Variants in ANKRD6 observed in about 807,000 individuals in gnomAD.
ANKRD6 encodes the protein ankyrin repeat domain-containing protein 6.
Under a neutral mutation model 82.3 loss-of-function variants are expected in ANKRD6, and 56 were observed. That is an observed-to-expected ratio of 0.68 (90% CI 0.55 to 0.85). ANKRD6 has a LOEUF of 0.85. Among genes scored for constraint, ANKRD6 ranks in the 40% least tolerant of loss-of-function variants. The pLI, the probability that ANKRD6 is intolerant of heterozygous loss-of-function variation, is 0.00. For missense variants in ANKRD6, 852 were observed against 907.6 expected (o/e 0.94, Z 0.79); for synonymous variants, 347 against 352.1 (o/e 0.99, Z 0.16).
rs1258327248 is a variant in ANKRD6 at position 89,471,575 on chromosome 6, C to T, written c.-144+38200C>T. Among the ~76,000 whole-genome samples, 5 of 149,542 alleles carry T rather than the reference C, an allele frequency of 3.3e-5. No homozygotes were observed. In the South Asian group the frequency reaches 6.4e-4, roughly 19 times the overall value. The stretch of plus-strand genomic sequence containing the variant: ...GCAAAAGAATGTGGGAAAGAGTGGC[C>T]GGAAAGTTAGGAAGGAAATAGGTAT... On this transcript the variant is annotated intron_variant, in intron 1 of 15. Transcript: ENST00000339746.
chr6:89,571,444 C>T (rs370943736), intron 2 of ANKRD6, among the ~76,000 whole-genome samples: 15 of 152,220 alleles, frequency 9.9e-5, no homozygotes, highest in African/African-American at 3.6e-4. Context: ...ATTTGTGTAT[C>T]ATCTTTGGAG....
intron 1 of ANKRD6, among the ~76,000 whole-genome samples, chr6:89,462,562 T>A (rs922404549): frequency 1.1e-4 from 16 of 152,200 alleles, no homozygotes; most frequent in African/African-American, 3.9e-4. Context: ...TCACAGTGAC[T>A]GATTACACTA....
chr6:89,623,995 C>T lies in ANKRD6; in HGVS notation c.1156C>T (p.His386Tyr). 1 of 1,612,258 alleles carries T rather than the reference C, an allele frequency of 6.2e-7. No homozygotes were observed. The highest frequency in any genetic ancestry group is 2.2e-5 in the East Asian group (1 of 44,758). ...TCGGTGTTCATCCCCACCCCCACCCCATGAGTTCAGGGCGTATCAGCTCTA... is the reference window on the plus strand; with the variant it reads ...TCGGTGTTCATCCCCACCCCCACCCTATGAGTTCAGGGCGTATCAGCTCTA... The part of the protein sequence containing the change: ...RHRCSSPPPP[H>Y]EFRAYQLYTL... Residue 386 changes from histidine to tyrosine, a missense_variant, in exon 12 of 16, where the codon CAT (histidine) becomes TAT (tyrosine). Coordinates refer to ENST00000339746, the MANE Select transcript of ANKRD6 (RefSeq NM_001242809.2).
intron 1 of ANKRD6, among the ~76,000 whole-genome samples, chr6:89,440,464 G>A (rs578197858): frequency 2.6e-5 from 4 of 152,326 alleles, no homozygotes; most frequent in East Asian, 3.9e-4. Context: ...TCCTGGTGGA[G>A]AGAGGAGAAG....
At chr6:89,592,065 G>C (rs1795021756) in intron 2 of ANKRD6, among the ~76,000 whole-genome samples, 2 of 152,184 alleles carry the variant, frequency 1.3e-5, no homozygotes. Context: ...CTTCCAAGAA[G>C]AGACACAGAG....
intron 12 of ANKRD6, 81 bp from the exon 13 acceptor site, chr6:89,624,458 G>T (rs1804884044): frequency 4.0e-6 from 6 of 1,484,596 alleles, no homozygotes; most frequent in Non-Finnish European, 5.5e-6. Context: ...CTGGTATACT[G>T]CCTGGCACGT....
At chr6:89,580,405 A>G (rs1417748478) in intron 2 of ANKRD6, among the ~76,000 whole-genome samples, 2 of 152,130 alleles carry the variant, frequency 1.3e-5, no homozygotes, top group Admixed American at 6.5e-5. Context: ...AAAGAGTTCA[A>G]TTGTAGTAAA....
intron 1 of ANKRD6, among the ~76,000 whole-genome samples, chr6:89,486,657 A>T (rs1777416434): frequency 6.6e-6 from 1 of 152,070 alleles, no homozygotes; most frequent in South Asian, 2.1e-4. Context: ...ATTTTTTTGT[A>T]GAGATGGAGT....
chr6:89,592,667 A>T lies in ANKRD6; in HGVS notation c.121-3249A>T, dbSNP rs556091420. Among the ~76,000 whole-genome samples the T allele has an allele frequency of 1.2e-4, 18 of 152,320 alleles. No homozygotes were observed. In the South Asian group the frequency reaches 2.9e-3, roughly 25 times the overall value. On this transcript the variant is annotated intron_variant, in intron 2 of 15. Coordinates refer to ENST00000339746, the MANE Select transcript of ANKRD6 (RefSeq NM_001242809.2). ...CCTCTCTAACAAGGTAACATAGAGT[A>T]AGTAGTTTAAACAACAGACATTTGC...
intron 2 of ANKRD6, among the ~76,000 whole-genome samples, chr6:89,574,518 C>T (rs1790676420): frequency 6.6e-6 from 1 of 152,162 alleles, no homozygotes; most frequent in South Asian, 2.1e-4. Context: ...TTTTTTAACT[C>T]ATCCAGTGCC....
At chr6:89,441,152 G>A (rs577055559) in intron 1 of ANKRD6, among the ~76,000 whole-genome samples, 65 of 152,202 alleles carry the variant, frequency 4.3e-4, no homozygotes, top group Admixed American at 1.4e-3. Flanking sequence ...GTTACCGAAT[G>A]TATCTTCTTT....
chr6:89,493,320 T>C (rs1185594053), intron 1 of ANKRD6, among the ~76,000 whole-genome samples: 1 of 152,174 alleles, frequency 6.6e-6, no homozygotes, highest in South Asian at 2.1e-4. Context: ...TTGAGAAATA[T>C]GGCTCCAATC....
intron 1 of ANKRD6, among the ~76,000 whole-genome samples, chr6:89,536,044 A>G (rs1583149123): frequency 6.6e-6 from 1 of 152,346 alleles, no homozygotes; most frequent in South Asian, 2.1e-4. Flanking sequence ...AGCCTCACCA[A>G]CATGGTGGAA....
intron 2 of ANKRD6, chr6:89,581,747 T>G (rs1792583556): frequency 6.6e-6 from 1 of 152,216 alleles, no homozygotes; most frequent in Non-Finnish European, 1.5e-5. Context: ...AAATGGAAAA[T>G]GGAATTCCTT....
chr6:89,458,277 G>A (rs1170998817), intron 1 of ANKRD6, among the ~76,000 whole-genome samples: 2 of 152,224 alleles, frequency 1.3e-5, no homozygotes, highest in Non-Finnish European at 2.9e-5. Context: ...CTGTGGAAAA[G>A]TAGAATATAT....
rs145268384 is a variant in ANKRD6 at position 89,607,047 on chromosome 6, G to A, written c.417+942G>A. Among the ~76,000 whole-genome samples the A allele has an allele frequency of 1.7e-3, 252 of 151,960 alleles. 1 individual carries two copies. Among genetic ancestry groups the A allele is most frequent in the African/African-American group, 5.7e-3 (236 of 41,452 alleles). On this transcript the variant is annotated intron_variant, in intron 5 of 15. Transcript: ENST00000339746. ...TTAGCTGGATGTGGTGGTGCATGCC[G>A]TCATCCCAGCTACTCGGAAGGCTGA...
At chr6:89,548,437 G>A (rs931017272) in intron 1 of ANKRD6, among the ~76,000 whole-genome samples, 4 of 152,164 alleles carry the variant, frequency 2.6e-5, no homozygotes, top group Admixed American at 2.6e-4. Flanking sequence ...CACCATTGAT[G>A]GACATTTGAG....
intron 2 of ANKRD6, among the ~76,000 whole-genome samples, chr6:89,582,243 G>T (rs1388510259): frequency 1.3e-5 from 2 of 152,158 alleles, no homozygotes; most frequent in African/African-American, 2.4e-5. Context: ...TGGGGGTGGA[G>T]TCTTGCTATA....
At chr6:89,602,932 G>A (rs1305362657) in intron 3 of ANKRD6, 97 bp from the exon 4 acceptor site, 2 of 987,288 alleles carry the variant, frequency 2.0e-6, no homozygotes, top group Non-Finnish European at 3.1e-6. Context: ...TCTGTGTGGG[G>A]ACGGGAGGGG....
Sources: gnomAD v4.1 joint callset for allele counts (sites outside exome capture counted in the v4.1 genomes callset) on GRCh38, gnomAD v4.1.1 for gene constraint, MANE v1.5 for transcripts, NCBI Gene and HGNC (gene_info 2026-07-23, HGNC 2026-07-21) for gene names.